CNTNAP2: variants seen among roughly 807,000 people sequenced by gnomAD.
The protein encoded by CNTNAP2 is contactin-associated protein-like 2.
Under a neutral mutation model 155.2 loss-of-function variants are expected in CNTNAP2, and 98 were observed. The ratio of observed to expected loss-of-function variants is 0.63; its 90% CI spans 0.54 to 0.75. CNTNAP2 has a LOEUF of 0.75. Ranked by LOEUF, CNTNAP2 falls within the 30% of genes least tolerant of loss-of-function variation. CNTNAP2 has a pLI of 0.00. For missense variants in CNTNAP2, 1,727 were observed against 1,688.1 expected (o/e 1.02, Z -0.40); for synonymous variants, 651 against 631.2 (o/e 1.03, Z -0.47).
intron 1 of CNTNAP2, among the ~76,000 whole-genome samples, chr7:146,665,026 G>A (rs1023990314): frequency 5.3e-5 from 8 of 152,230 alleles, no homozygotes; most frequent in African/African-American, 1.9e-4. Context: ...TTGGCTCACT[G>A]CAACTTCTAC....
intron 13 of CNTNAP2, among the ~76,000 whole-genome samples, chr7:147,888,844 A>C (rs886674273): frequency 6.6e-6 from 1 of 152,010 alleles, no homozygotes; most frequent in Non-Finnish European, 1.5e-5. Flanking sequence ...CTGACCCTAG[A>C]GAAAAAAAGA....
intron 9 of CNTNAP2, among the ~76,000 whole-genome samples, chr7:147,319,197 G>T (rs1255199558): frequency 6.6e-6 from 1 of 151,916 alleles, no homozygotes; most frequent in Non-Finnish European, 1.5e-5. Flanking sequence ...ATTTTAAAAG[G>T]CTTTATATTG....
In CNTNAP2 at chr7:148,147,507, C is replaced by A. The variant is rs984523547; in HGVS notation, c.2571C>A (p.Ser857=). The change falls in exon 17 of 24, where the codon TCC becomes TCA. Residue 857 remains serine (S), a synonymous_variant. Transcript: ENST00000361727. ...KLELKSATEV[S]FSFDVGNGPV... ...CTCCTCCAGCTGCCACAGAAGTGTC[C>A]TTTTCATTTGATGTGGGAAATGGGC... is the stretch of plus-strand genomic sequence containing the variant. 7 of 1,613,968 alleles carry A rather than the reference C, an allele frequency of 4.3e-6. No homozygotes were observed. Among genetic ancestry groups the A allele is most frequent in the Non-Finnish European group, 5.9e-6 (7 of 1,180,028 alleles).
At chr7:147,735,781 C>T (rs1160306112) in intron 13 of CNTNAP2, among the ~76,000 whole-genome samples, 1 of 151,822 alleles carries the variant, frequency 6.6e-6, no homozygotes, top group Non-Finnish European at 1.5e-5. Flanking sequence ...ATGTAATGGC[C>T]TTCTTTGTCT....
At chr7:147,704,071 C>T (rs1314497047) in intron 13 of CNTNAP2, among the ~76,000 whole-genome samples, 1 of 152,178 alleles carries the variant, frequency 6.6e-6, no homozygotes, top group Non-Finnish European at 1.5e-5. Flanking sequence ...TAGGTTGGCA[C>T]AGCAGTAATT....
chr7:146,516,528 CAT>C (rs1797544250), intron 1 of CNTNAP2, among the ~76,000 whole-genome samples: 1 of 151,906 alleles, frequency 6.6e-6, no homozygotes, highest in Non-Finnish European at 1.5e-5. Context: ...ATTGAATTTT[CAT>C]ATGTTATAGT....
chr7:146,693,718 A>T (rs1800735704), intron 1 of CNTNAP2, among the ~76,000 whole-genome samples: 1 of 152,162 alleles, frequency 6.6e-6, no homozygotes, highest in Admixed American at 6.6e-5. Flanking sequence ...ATTGAAAAGC[A>T]GTGTAATTAT....
At chr7:148,392,154 A>C (rs997703688) in intron 22 of CNTNAP2, among the ~76,000 whole-genome samples, 2 of 151,922 alleles carry the variant, frequency 1.3e-5, no homozygotes, top group Non-Finnish European at 2.9e-5. Flanking sequence ...GCTCACTGCA[A>C]CCTCCACCTC....
At chr7:146,826,084 G>A (rs1245987697) in intron 2 of CNTNAP2, among the ~76,000 whole-genome samples, 1 of 152,010 alleles carries the variant, frequency 6.6e-6, no homozygotes, top group Non-Finnish European at 1.5e-5. Context: ...AGAAAATAAT[G>A]AAGCTTCAGT....
At chr7:146,542,538 C>T (rs1252926737) in intron 1 of CNTNAP2, among the ~76,000 whole-genome samples, 1 of 151,844 alleles carries the variant, frequency 6.6e-6, no homozygotes, top group African/African-American at 2.4e-5. Flanking sequence ...GCCATCTTAT[C>T]AGGTAATTTT....
chr7:147,992,335 C>T (rs1801725853), intron 15 of CNTNAP2, among the ~76,000 whole-genome samples: 1 of 152,054 alleles, frequency 6.6e-6, no homozygotes, highest in South Asian at 2.1e-4. Flanking sequence ...TGATCTCAAA[C>T]TCCTGACCTT....
intron 3 of CNTNAP2, among the ~76,000 whole-genome samples, chr7:147,036,946 T>G (rs1381217576): frequency 6.6e-6 from 1 of 152,166 alleles, no homozygotes; most frequent in Non-Finnish European, 1.5e-5. Context: ...CTATGATAGT[T>G]TATTCTTTAC....
chr7:146,295,476 A>G (rs7783391), intron 1 of CNTNAP2, among the ~76,000 whole-genome samples: 21,680 of 152,040 alleles, frequency 0.14, 4,007 homozygotes, highest in African/African-American at 0.43. Flanking sequence ...TCAAATTTAG[A>G]TTGAGAATTG....
chr7:147,129,802 A>C (rs1051423090), intron 7 of CNTNAP2, among the ~76,000 whole-genome samples: 4 of 152,226 alleles, frequency 2.6e-5, no homozygotes, highest in African/African-American at 9.6e-5. Context: ...TGGAAGGTTT[A>C]AAACAATAAC....
intron 1 of CNTNAP2, among the ~76,000 whole-genome samples, chr7:146,529,446 C>G (rs886465814): frequency 6.6e-6 from 1 of 152,050 alleles, no homozygotes. Context: ...AGATGATACT[C>G]TAGGGTGATA....
intron 1 of CNTNAP2, among the ~76,000 whole-genome samples, chr7:146,695,738 A>G (rs1183982863): frequency 6.6e-6 from 1 of 152,094 alleles, no homozygotes; most frequent in Non-Finnish European, 1.5e-5. Context: ...ATTAATGTTT[A>G]ATTTACAAAT....
At chr7:146,188,660 TA>T (rs983899693) in intron 1 of CNTNAP2, among the ~76,000 whole-genome samples, 1 of 152,198 alleles carries the variant, frequency 6.6e-6, no homozygotes, top group Non-Finnish European at 1.5e-5. Flanking sequence ...ATATGAGACA[TA>T]AAATTATTCT....
intron 1 of CNTNAP2, among the ~76,000 whole-genome samples, chr7:146,769,546 T>C (rs1563223234): frequency 6.6e-6 from 1 of 152,218 alleles, no homozygotes; most frequent in Non-Finnish European, 1.5e-5. Context: ...AAATTCATTG[T>C]GGGCTCTTTC....
At chr7:146,972,733 A>C (rs1156925518) in intron 3 of CNTNAP2, among the ~76,000 whole-genome samples, 1 of 152,224 alleles carries the variant, frequency 6.6e-6, no homozygotes, top group Non-Finnish European at 1.5e-5. Context: ...TGCAGCATTC[A>C]AAAGGCTTCC....
Sources: allele counts gnomAD v4.1 joint callset (sites outside exome capture counted in the v4.1 genomes callset), GRCh38; gene constraint gnomAD v4.1.1; transcripts MANE v1.5; gene names NCBI Gene and HGNC (gene_info 2026-07-23, HGNC 2026-07-21).